ALS2: variants seen among roughly 807,000 people sequenced by gnomAD.
ALS2 encodes the protein alsin Rho guanine nucleotide exchange factor ALS2, also known as alsin.
Under a neutral mutation model 203.4 loss-of-function variants are expected in ALS2, and 117 were observed. That is an observed-to-expected ratio of 0.58 (90% confidence interval 0.50 to 0.67). The LOEUF is 0.67. Among genes scored for constraint, ALS2 ranks in the 30% least tolerant of loss-of-function variants. The pLI is 0.00. For missense variants in ALS2, 1,715 were observed against 1,989.4 expected (o/e 0.86, Z 2.62); for synonymous variants, 718 against 725.9 (o/e 0.99, Z 0.17).
Position 201,754,014 on chromosome 2 carries a change from C to CT in ALS2, c.1640+488dup, listed in dbSNP as rs554050978. Among the ~76,000 whole-genome samples the CT allele has an allele frequency of 6.5e-3, 933 of 143,188 alleles. 8 individuals carry two copies. The highest frequency in any genetic ancestry group is 0.019 in the African/African-American group (728 of 39,342). 93.9% of individuals were successfully genotyped at this position (143,188 alleles called of 152,430 possible). A position where few individuals can be genotyped will look rare whatever the true frequency, so the allele number is the denominator to read the frequency against. Reference sequence around the variant, plus strand: ...CTTTTACTGCTTTTTTTTTCTTTTCCTTTTTTTTTTTTTGAGATAAGAGTT... The same window carrying CT: ...CTTTTACTGCTTTTTTTTTCTTTTCCTTTTTTTTTTTTTTGAGATAAGAGTT... On this transcript the variant is annotated intron_variant, in intron 6 of 33. Transcript: ENST00000264276.
intron 2 of ALS2, among the ~76,000 whole-genome samples, chr2:201,768,140 GTTGAGT>G (rs1002518988): frequency 6.6e-6 from 1 of 152,116 alleles, no homozygotes; most frequent in African/African-American, 2.4e-5. Context: ...TTCACTTTAT[GTTGAGT>G]TTAAGTGTAG....
intron 1 of ALS2, 22 bp from the exon 2 acceptor site, chr2:201,768,967 A>G: frequency 7.4e-7 from 1 of 1,355,678 alleles, no homozygotes. Context: ...AAGTAAGGAA[A>G]AGAGCAGTAA....
chr2:201,764,968 C>G (rs1694002441), intron 3 of ALS2, among the ~76,000 whole-genome samples: 2 of 151,758 alleles, frequency 1.3e-5, no homozygotes. Flanking sequence ...AGGTATGATT[C>G]TAAAGATACC....
intron 9 of ALS2, among the ~76,000 whole-genome samples, chr2:201,744,631 G>C (rs185025920): frequency 1.3e-5 from 2 of 152,148 alleles, no homozygotes; most frequent in Non-Finnish European, 2.9e-5. Context: ...GTTTTTTTTG[G>C]GGGGGTCGTC....
Position 201,701,182 on chromosome 2 carries a change from TTTAAG to T in ALS2, c.*664_*668del. The T allele has an allele frequency of 6.6e-6, 1 of 152,638 alleles. No homozygotes were observed. The highest frequency in any genetic ancestry group is 1.5e-5 in the Non-Finnish European group (1 of 68,068). 9.5% of individuals were successfully genotyped at this position (152,638 alleles called of 1,614,324 possible). On this transcript the variant is annotated 3_prime_UTR_variant, in exon 34 of 34. Coordinates refer to ENST00000264276, the MANE Select transcript of ALS2 (RefSeq NM_020919.4). ...ACCAAAAACAAAATTCCTATGTTCT[TTTAAG>T]TTAAGAGGCAGAAGACTCCTATTTG...
At chr2:201,759,366 C>T in intron 4 of ALS2, 1 of 952,646 alleles carries the variant, frequency 1.0e-6, no homozygotes, top group Middle Eastern at 5.4e-4. Flanking sequence ...AAAAACTTGC[C>T]CTAAAACAAA....
chr2:201,733,540 A>G, intron 12 of ALS2, 102 bp from the exon 13 acceptor site: 1 of 980,196 alleles, frequency 1.0e-6, no homozygotes, highest in Non-Finnish European at 1.6e-6. Flanking sequence ...CAGAATGCAC[A>G]TTTTTTAGGT....
chr2:201,780,355 G>C (rs1412194928), intron 1 of ALS2, among the ~76,000 whole-genome samples: 2 of 152,152 alleles, frequency 1.3e-5, no homozygotes, highest in Non-Finnish European at 2.9e-5. Flanking sequence ...TATTATCAAA[G>C]CTATTTTCTT....
At chr2:201,721,591 C>T (rs909309024) in intron 23 of ALS2, among the ~76,000 whole-genome samples, 4 of 152,202 alleles carry the variant, frequency 2.6e-5, no homozygotes, top group Admixed American at 1.3e-4. Context: ...TTAGTTTGGA[C>T]ACATAACTCA....
In ALS2 at chr2:201,707,890, C is replaced by A. The variant is rs758889641; in HGVS notation, c.4382G>T (p.Arg1461Leu). 6.2e-7 allele frequency: 1 copy of A among 1,613,406 alleles called. No homozygotes were observed. The highest frequency in any genetic ancestry group is 1.1e-5 in the South Asian group (1 of 91,018). ...KSFCTGKSDSRSESPEPGYVV... is the reference protein window; with the variant it reads ...KSFCTGKSDSLSESPEPGYVV... ...TTACCCTGGCTCTGGTGATTCAGAT[C>A]GGGAATCTGACTTCCCAGTGCAAAA... The change falls in exon 28 of 34, where the codon CGA (arginine) becomes CTA (leucine). Residue 1461 changes from arginine to leucine, a missense_variant. Physicochemically the swap from Arg to Leu is moderately radical, Grantham distance 102. Around this residue, in one of 3 missense-constraint regions of ALS2, gnomAD observed 1,227 missense variants for 1,413.5 expected, o/e 0.87. Transcript: ENST00000264276.
In ALS2 at chr2:201,733,374, G is replaced by A; in HGVS notation, c.2482C>T (p.Gln828Ter). The A allele has an allele frequency of 1.2e-6, 2 of 1,613,590 alleles. No homozygotes were observed. Among genetic ancestry groups the A allele is most frequent in the Non-Finnish European group, 8.5e-7 (1 of 1,179,692 alleles). Residue 828 changes from glutamine (Q) to a stop codon, truncating the protein, a stop_gained, in exon 13 of 34, where the codon CAG (glutamine) becomes TAG (stop). Coordinates refer to ENST00000264276, the MANE Select transcript of ALS2 (RefSeq NM_020919.4). LOFTEE classifies it high-confidence loss of function. ...DLSEVNDENTQLMEILNTLFF... is the reference protein window; with the variant it reads ...DLSEVNDENT ...AAAGTATTCAGTATTTCCATCAACT[G>A]AGTGTTTTCGTCATTCACTTCTGAC...
At chr2:201,706,616 T>C (rs1308417761) in intron 29 of ALS2, among the ~76,000 whole-genome samples, 2 of 148,538 alleles carry the variant, frequency 1.3e-5, no homozygotes, top group Middle Eastern at 3.3e-3. Flanking sequence ...ACTATATATA[T>C]GAAAACATAA....
intron 4 of ALS2, among the ~76,000 whole-genome samples, chr2:201,758,760 A>ATGTGTGTGTG (rs775648737): frequency 0.15 from 22,601 of 150,460 alleles, 1,862 homozygotes; most frequent in East Asian, 0.36. Context: ...GTGTGTGCGC[A>ATGTGTGTGTG]TGTGTGTGTG....
At position 201,761,237 on chromosome 2, in the gene ALS2, C is replaced by A; in HGVS notation, c.757G>T (p.Asp253Tyr). The A allele has an allele frequency of 6.2e-7, 1 of 1,614,158 alleles. No homozygotes were observed. The highest frequency in any genetic ancestry group is 8.5e-7 in the Non-Finnish European group (1 of 1,180,042). Reference protein sequence around the residue: ...TDKEDHVIISDSHCCPLGVTL... With the variant: ...TDKEDHVIISYSHCCPLGVTL... The stretch of plus-strand genomic sequence containing the variant: ...ACACCTAATGGGCAACAATGACTGT[C>A]TGATATAATCACATGGTCTTCTTTG... The change falls in exon 4 of 34, where the codon GAC becomes TAC. Residue 253 changes from aspartate to tyrosine, a missense_variant. This residue lies in a region of ALS2 where 476 missense variants were observed against 539.3 expected (regional missense o/e 0.88). Transcript: ENST00000264276.
intron 1 of ALS2, among the ~76,000 whole-genome samples, chr2:201,773,380 T>C (rs1277327609): frequency 6.6e-6 from 1 of 152,108 alleles, no homozygotes. Context: ...AGAGATGCTC[T>C]GGGGGCAGAA....
Position 201,718,066 on chromosome 2 carries a change from T to C in ALS2, c.3836+11A>G, listed in dbSNP as rs1690522850. On this transcript the variant is annotated intron_variant, in intron 24 of 33. Transcript: ENST00000264276. ...TCAATAATTAATCCAGAATTAACAC[T>C]AGTTACTCACAAAACTTTAGGTCTG... 6.2e-7 allele frequency: 1 copy of C among 1,612,476 alleles called. No individual in the cohort carries two copies. Among genetic ancestry groups the C allele is most frequent in the South Asian group, 1.1e-5 (1 of 91,006 alleles).
chr2:201,770,450 A>ATT (rs11288181), intron 1 of ALS2, among the ~76,000 whole-genome samples: 25 of 151,330 alleles, frequency 1.7e-4, no homozygotes, highest in African/African-American at 6.1e-4. Flanking sequence ...ACCACCACTC[A>ATT]TTTTTTTTTT....
chr2:201,760,844 C>G (rs1693717790), intron 4 of ALS2, 37 bp downstream of exon 4: 1 of 1,595,530 alleles, frequency 6.3e-7, no homozygotes, highest in South Asian at 1.1e-5. Flanking sequence ...CAGTTCAACT[C>G]TAGACACACT....
chr2:201,777,816 T>C (rs753079363), intron 1 of ALS2, among the ~76,000 whole-genome samples: 16 of 152,316 alleles, frequency 1.1e-4, no homozygotes, highest in East Asian at 3.9e-4. Context: ...ATAAATCCTT[T>C]AGCATTTTGC....
Sources: gnomAD v4.1 joint callset for allele counts (sites outside exome capture counted in the v4.1 genomes callset) on GRCh38, gnomAD v4.1.1 for gene constraint, gnomAD v4.1.1 regional missense constraint, MANE v1.5 for transcripts, NCBI Gene and HGNC (gene_info 2026-07-23, HGNC 2026-07-21) for gene names.